The following DNA2 variants were observed in gnomAD, a reference collection of about 807,000 sequenced individuals.
DNA2 encodes DNA replication helicase/nuclease 2, also known as DNA replication ATP-dependent helicase/nuclease DNA2.
Under a neutral mutation model 119.1 loss-of-function variants are expected in DNA2, and 101 were observed. That is an observed-to-expected ratio of 0.85 (90% CI 0.72 to 1.00). DNA2 has a LOEUF of 1.00. DNA2 is among the 50% of genes least tolerant of loss of function. The probability of loss-of-function intolerance (pLI) is 0.00; values close to 1 mark genes in which losing one functional copy is unlikely to be tolerated. For missense variants in DNA2, 1,121 were observed against 1,255.5 expected (o/e 0.89, Z 1.62); for synonymous variants, 366 against 424.4 (o/e 0.86, Z 1.69).
At chr10:68,448,800 T>G (rs574720410) in intron 6 of DNA2, among the ~76,000 whole-genome samples, 2 of 149,104 alleles carry the variant, frequency 1.3e-5, no homozygotes, top group African/African-American at 5.2e-5. Flanking sequence ...ATTTTTGAGA[T>G]GGAGTCTGGC....
chr10:68,418,989 A>G (rs757707862), intron 19 of DNA2, 45 bp downstream of exon 19: 70 of 1,525,560 alleles, frequency 4.6e-5, no homozygotes, highest in Non-Finnish European at 5.9e-5. Context: ...TTTTAAAGAG[A>G]GAGAAATGCC....
intron 6 of DNA2, among the ~76,000 whole-genome samples, chr10:68,447,014 T>A (rs2052048613): frequency 6.6e-6 from 1 of 152,182 alleles, no homozygotes; most frequent in Non-Finnish European, 1.5e-5. Flanking sequence ...CTGGGTTATT[T>A]GTAACACAAA....
chr10:68,470,130 T>C lies in DNA2; in HGVS notation c.108A>G (p.Arg36=), dbSNP rs750147147. The C allele has an allele frequency of 3.1e-6, 5 of 1,602,060 alleles. No individual in the cohort carries two copies. The highest frequency in any genetic ancestry group is 3.4e-6 in the Non-Finnish European group (4 of 1,177,438). The stretch of plus-strand genomic sequence containing the variant: ...TATCCATTCCTGTGCTCAGAACTGT[T>C]CTTGGAAAGGAAGCTACCACTTTCT... ...FQKKVVASFP[R]TVLSTGMDNR... is the part of the protein sequence containing the mutation. The change falls in exon 2 of 21, where the codon AGA becomes AGG. Residue 36 remains arginine (R), a synonymous_variant. Coordinates refer to ENST00000358410, the MANE Select transcript of DNA2 (RefSeq NM_001080449.3).
chr10:68,469,691 C>T (rs1406489314), intron 2 of DNA2, among the ~76,000 whole-genome samples: 1 of 152,018 alleles, frequency 6.6e-6, no homozygotes, highest in Non-Finnish European at 1.5e-5. Flanking sequence ...TCTCAAACTC[C>T]TGACCTGAGG....
At chr10:68,431,320 T>C (rs779535526) in intron 13 of DNA2, among the ~76,000 whole-genome samples, 12 of 152,000 alleles carry the variant, frequency 7.9e-5, no homozygotes, top group Non-Finnish European at 2.9e-5. Context: ...TTTGCTCTTG[T>C]TGTCCAGATT....
At chr10:68,420,005 C>T in intron 17 of DNA2, 113 bp from the exon 18 acceptor site, 1 of 831,638 alleles carries the variant, frequency 1.2e-6, no homozygotes, top group East Asian at 2.5e-5. Context: ...ATAGCTTTGT[C>T]TAAAAGATGA....
At chr10:68,417,304 A>G (rs117767075) in intron 19 of DNA2, among the ~76,000 whole-genome samples, 1,566 of 150,812 alleles carry the variant, frequency 0.01, 13 homozygotes, top group South Asian at 0.031. Context: ...GTACAAAGGA[A>G]ACCTTTTATT....
intron 10 of DNA2, among the ~76,000 whole-genome samples, chr10:68,433,211 T>C (rs77989239): frequency 0.046 from 7,063 of 152,190 alleles, 538 homozygotes; most frequent in African/African-American, 0.16. Context: ...GCATTTGCAT[T>C]TGCACTGCCA....
chr10:68,448,968 CGTGTGT>C (rs59756256), intron 6 of DNA2, among the ~76,000 whole-genome samples: 2 of 109,656 alleles, frequency 1.8e-5, no homozygotes, highest in Non-Finnish European at 3.7e-5. Flanking sequence ...TGTGTGTGTG[CGTGTGT>C]GTGTGTGTGT....
At chr10:68,420,532 G>A (rs760049836) in intron 17 of DNA2, among the ~76,000 whole-genome samples, 14 of 149,768 alleles carry the variant, frequency 9.3e-5, no homozygotes, top group South Asian at 2.1e-4. Context: ...GTGAGACTCC[G>A]TCTCAGAATC....
chr10:68,451,334 T>C (rs1207610813), intron 5 of DNA2, among the ~76,000 whole-genome samples: 1 of 152,124 alleles, frequency 6.6e-6, no homozygotes, highest in Non-Finnish European at 1.5e-5. Flanking sequence ...GTTCTGACTT[T>C]AATCTCTTAA....
At chr10:68,439,031 CAA>C (rs35393675) in intron 9 of DNA2, among the ~76,000 whole-genome samples, 9,487 of 80,496 alleles carry the variant, frequency 0.12, 1,048 homozygotes, top group African/African-American at 0.33. Flanking sequence ...AGAATCTGTC[CAA>C]AAAAAAAAAA....
intron 5 of DNA2, among the ~76,000 whole-genome samples, chr10:68,456,735 T>A (rs1203040271): frequency 6.7e-6 from 1 of 150,216 alleles, no homozygotes; most frequent in East Asian, 2.0e-4. Context: ...ATTTTTTAGA[T>A]CACAAAATGT....
chr10:68,430,297 T>C, intron 14 of DNA2, 139 bp downstream of exon 14: 1 of 651,146 alleles, frequency 1.5e-6, no homozygotes, highest in Non-Finnish European at 2.6e-6. Flanking sequence ...TATAAGTTAA[T>C]AAACTGGTCG....
In DNA2 at chr10:68,419,827, A is replaced by G; in HGVS notation, c.2763T>C (p.Val921=). ...CCTTAACAAAAATGGAGGTTAGGAA[A>G]ACTATGAGTTTGGCTTCTGTTACAT... The part of the protein sequence containing the change: ...VSNVTEAKLI[V]FLTSIFVKAG... Residue 921 remains valine, a synonymous_variant, in exon 18 of 21, where the codon GTT becomes GTC. Coordinates refer to ENST00000358410, the MANE Select transcript of DNA2 (RefSeq NM_001080449.3). 5.0e-6 allele frequency: 8 copies of G among 1,613,808 alleles called. No homozygotes were observed. Among genetic ancestry groups the G allele is most frequent in the Non-Finnish European group, 6.8e-6 (8 of 1,179,796 alleles).
intron 4 of DNA2, among the ~76,000 whole-genome samples, chr10:68,464,660 T>C (rs2052303610): frequency 1.3e-5 from 2 of 150,204 alleles, no homozygotes; most frequent in Admixed American, 1.3e-4. Flanking sequence ...AGAAACCCCG[T>C]CTCTACTAAA....
intron 9 of DNA2, among the ~76,000 whole-genome samples, chr10:68,437,658 A>AAAACAG (rs2051908478): frequency 1.9e-4 from 3 of 15,994 alleles, no homozygotes; most frequent in Non-Finnish European, 1.1e-3. Context: ...CTCAAAAACA[A>AAAACAG]AAACAAAAAC....
chr10:68,472,112 G>T (rs1289926362), upstream of DNA2: 1 of 1,502,114 alleles, frequency 6.7e-7, no homozygotes, highest in South Asian at 1.2e-5. Flanking sequence ...GGGAATACAG[G>T]GAGTCTTCAT....
intron 14 of DNA2, among the ~76,000 whole-genome samples, chr10:68,428,838 A>T (rs1473684428): frequency 1.3e-5 from 2 of 152,142 alleles, no homozygotes; most frequent in East Asian, 3.9e-4. Flanking sequence ...AGTGGATACA[A>T]CTATAAAAGT....
Sources: gnomAD v4.1 joint callset for allele counts (sites outside exome capture counted in the v4.1 genomes callset) on GRCh38, gnomAD v4.1.1 for gene constraint, MANE v1.5 for transcripts, NCBI Gene and HGNC (gene_info 2026-07-23, HGNC 2026-07-21) for gene names.